Variants in IL1RAPL1 observed in about 807,000 individuals in gnomAD.
IL1RAPL1 encodes interleukin 1 receptor accessory protein like 1.
IL1RAPL1 carries 3 observed loss-of-function variants against 48.4 expected under a neutral mutation model. That is an observed-to-expected ratio of 0.06 (90% CI 0.03 to 0.16). The LOEUF (loss-of-function observed/expected upper bound fraction) is 0.16, where lower values mean the gene tolerates loss of function less well. Ranked by LOEUF, IL1RAPL1 falls within the 10% of genes least tolerant of loss-of-function variation. The probability of loss-of-function intolerance (pLI) is 1.00; values close to 1 mark genes in which losing one functional copy is unlikely to be tolerated. For synonymous variants in IL1RAPL1, 185 were observed against 187.7 expected (o/e 0.99, Z 0.12); for missense variants, 349 against 530.6 (o/e 0.66, Z 3.36).
chrX:29,182,662 C>T (rs765905732), intron 2 of IL1RAPL1, among the ~76,000 whole-genome samples: 21 of 109,013 alleles, frequency 1.9e-4, no homozygotes, highest in East Asian at 2.9e-4. Flanking sequence ...CATTTGGTAA[C>T]GGCCAGCATA....
chrX:29,916,032 G>C lies in IL1RAPL1; in HGVS notation c.779-1432G>C, dbSNP rs1220148361. Among the ~76,000 whole-genome samples, 5 of 100,654 alleles carry C rather than the reference G, an allele frequency of 5.0e-5. No individual in the cohort carries two copies. The Admixed American group carries it at 5.6e-4, about 11-fold the overall frequency. The allele number at this position is 100,654 out of a possible 115,157, so 87.4% of individuals were successfully genotyped here. On this transcript the variant is annotated intron_variant, in intron 6 of 10. Transcript: ENST00000378993. The stretch of plus-strand genomic sequence containing the variant: ...TTTTGTTCTTGCGATAGTTTACTGA[G>C]AATGATGGTTTCCAGTTTCATCCAT...
intron 1 of IL1RAPL1, among the ~76,000 whole-genome samples, chrX:28,606,370 A>G (rs961907358): frequency 8.9e-6 from 1 of 112,242 alleles, no homozygotes; most frequent in Non-Finnish European, 1.9e-5. Flanking sequence ...GTAAACACAC[A>G]TGGTATACAC....
intron 2 of IL1RAPL1, among the ~76,000 whole-genome samples, chrX:29,025,285 A>G (rs1489425603): frequency 8.9e-6 from 1 of 111,962 alleles, no homozygotes; most frequent in Non-Finnish European, 1.9e-5. Flanking sequence ...GTGTGGACGT[A>G]TGTTATCATT....
chrX:29,793,692 G>C (rs761493304), intron 6 of IL1RAPL1, among the ~76,000 whole-genome samples: 2 of 111,646 alleles, frequency 1.8e-5, no homozygotes, highest in South Asian at 7.6e-4. Context: ...TAACTCTCAG[G>C]AGGCACTCAA....
At chrX:29,024,923 A>G (rs980397744) in intron 2 of IL1RAPL1, among the ~76,000 whole-genome samples, 11 of 111,916 alleles carry the variant, frequency 9.8e-5, no homozygotes, top group African/African-American at 3.2e-4. Context: ...TGTTCCATTT[A>G]AAAGAAACAC....
intron 5 of IL1RAPL1, among the ~76,000 whole-genome samples, chrX:29,435,488 G>GT (rs1489987921): frequency 1.8e-5 from 2 of 110,756 alleles, no homozygotes; most frequent in African/African-American, 3.3e-5. Context: ...TGTTTTCTGG[G>GT]TTTTTTGTTT....
intron 1 of IL1RAPL1, among the ~76,000 whole-genome samples, chrX:28,653,764 T>C (rs1466354931): frequency 9.0e-6 from 1 of 111,273 alleles, no homozygotes; most frequent in Non-Finnish European, 1.9e-5. Context: ...GACCTGCCTT[T>C]TAGTGTCATG....
chrX:28,755,120 A>G (rs920820899), intron 1 of IL1RAPL1, among the ~76,000 whole-genome samples: 2 of 111,410 alleles, frequency 1.8e-5, no homozygotes, highest in Non-Finnish European at 3.8e-5. Flanking sequence ...CAGCCTCCCA[A>G]GTAGCTGGGA....
At chrX:28,719,980 T>A (rs1935550391) in intron 1 of IL1RAPL1, among the ~76,000 whole-genome samples, 1 of 111,026 alleles carries the variant, frequency 9.0e-6, no homozygotes, top group South Asian at 3.8e-4. Flanking sequence ...TCCTATTTAG[T>A]GACTATATTC....
intron 2 of IL1RAPL1, among the ~76,000 whole-genome samples, chrX:28,952,946 A>G (rs1262357410): frequency 4.5e-5 from 5 of 111,889 alleles, no homozygotes; most frequent in Non-Finnish European, 7.5e-5. Context: ...AATTATAAGT[A>G]GTTTTACACA....
At chrX:29,706,196 A>G (rs1171271635) in intron 6 of IL1RAPL1, among the ~76,000 whole-genome samples, 1 of 111,988 alleles carries the variant, frequency 8.9e-6, no homozygotes, top group Non-Finnish European at 1.9e-5. Context: ...CCCTCCCACA[A>G]CATGTGGGAA....
chrX:28,964,167 CATA>C (rs1924861040), intron 2 of IL1RAPL1, among the ~76,000 whole-genome samples: 1 of 111,407 alleles, frequency 9.0e-6, no homozygotes, highest in African/African-American at 3.3e-5. Flanking sequence ...AATGGTATAA[CATA>C]AGAAGAAGCC....
In IL1RAPL1 at chrX:29,885,251, A is replaced by G. The variant is rs145491437; in HGVS notation, c.779-32213A>G. 4.1e-3 allele frequency among the ~76,000 whole-genome samples: 463 copies of G among 111,840 alleles called. 2 individuals are homozygous for G. The highest frequency in any genetic ancestry group is 0.014 in the African/African-American group (438 of 30,797). ...AAATGTCACCATTTCAGTGAGTCCTATTTCGATTTCTATTTAAAATTGCAA... is the reference window on the plus strand; with the variant it reads ...AAATGTCACCATTTCAGTGAGTCCTGTTTCGATTTCTATTTAAAATTGCAA... On this transcript the variant is annotated intron_variant, in intron 6 of 10. Transcript: ENST00000378993.
intron 2 of IL1RAPL1, among the ~76,000 whole-genome samples, chrX:29,144,871 C>T (rs967311556): frequency 8.4e-5 from 9 of 106,840 alleles, no homozygotes; most frequent in African/African-American, 2.0e-4. Context: ...GGATTACAGG[C>T]GCGCACCACC....
Position 29,069,628 on chromosome X carries a change from A to AACACACACACACACAC in IL1RAPL1, c.83-213283_83-213268dup, listed in dbSNP as rs56373899. ...TGTTTCTTCAGATCTTTTCCTATAG[A>AACACACACACACACAC]ACACACACACACACACACACACACA... On this transcript the variant is annotated intron_variant, in intron 2 of 10. Transcript: ENST00000378993. 3.3e-3 allele frequency among the ~76,000 whole-genome samples: 279 copies of AACACACACACACACAC among 83,716 alleles called. 3 individuals carry two copies. Among genetic ancestry groups the AACACACACACACACAC allele is most frequent in the Middle Eastern group, 6.0e-3 (1 of 166 alleles). 72.7% of individuals were successfully genotyped at this position (83,716 alleles called of 115,157 possible).
At chrX:29,177,295 T>C (rs896043727) in intron 2 of IL1RAPL1, among the ~76,000 whole-genome samples, 4 of 112,220 alleles carry the variant, frequency 3.6e-5, no homozygotes, top group African/African-American at 1.3e-4. Flanking sequence ...ATTTTGAAGA[T>C]GTATTGAATC....
rs146138116 is a variant in IL1RAPL1, at chrX:28,588,061, A to C, written c.-25+14A>C. On this transcript the variant is annotated intron_variant, in intron 1 of 10. Transcript: ENST00000378993. ...AGACTGTTGTGGGTAAGGTCATTTT[A>C]TATATGCAAACCCATCAGTGGCATG... The C allele has an allele frequency of 8.9e-5, 10 of 111,801 alleles. No individual in the cohort carries two copies. In the East Asian group the frequency reaches 2.5e-3, roughly 28 times the overall value. 9.2% of individuals were successfully genotyped at this position (111,801 alleles called of 1,213,427 possible). A position where few individuals can be genotyped will look rare whatever the true frequency, so the allele number is the denominator to read the frequency against.
At chrX:29,163,649 G>A (rs1929730032) in intron 2 of IL1RAPL1, among the ~76,000 whole-genome samples, 1 of 111,343 alleles carries the variant, frequency 9.0e-6, no homozygotes, top group Non-Finnish European at 1.9e-5. Flanking sequence ...AAGGGACATG[G>A]TAGAAGCAGA....
chrX:29,641,149 C>T (rs1190236973), intron 5 of IL1RAPL1, among the ~76,000 whole-genome samples: 2 of 109,934 alleles, frequency 1.8e-5, no homozygotes, highest in African/African-American at 6.8e-5. Flanking sequence ...CCAGCCTGGG[C>T]AACAGAGTGA....
Sources: allele counts gnomAD v4.1 joint callset (sites outside exome capture counted in the v4.1 genomes callset), GRCh38; gene constraint gnomAD v4.1.1; transcripts MANE v1.5; gene names NCBI Gene and HGNC (gene_info 2026-07-23, HGNC 2026-07-21).